Variants in ZNF569 observed in about 807,000 individuals in gnomAD.
ZNF569 encodes DNA-binding protein.
Under a neutral mutation model 56.3 loss-of-function variants are expected in ZNF569, and 38 were observed. The ratio of observed to expected loss-of-function variants is 0.68; its 90% CI spans 0.52 to 0.88. The LOEUF (loss-of-function observed/expected upper bound fraction) is 0.88. Among genes scored for constraint, ZNF569 ranks in the 40% least tolerant of loss-of-function variants. ZNF569 has a pLI of 0.00. For missense variants in ZNF569, 666 were observed against 809.2 expected, an observed-to-expected ratio of 0.82 and a Z score of 2.15; for synonymous variants, 241 against 262.9, an observed-to-expected ratio of 0.92 and a Z score of 0.81.
chr19:37,468,642 A>G (rs187595746), upstream of ZNF569, among the ~76,000 whole-genome samples: 1,014 of 152,186 alleles, frequency 6.7e-3, 14 homozygotes, highest in African/African-American at 0.023. Flanking sequence ...AGTAGCTGGG[A>G]CTTAAGGCGC....
chr19:37,439,071 G>T (rs994263560), intron 3 of ZNF569, among the ~76,000 whole-genome samples: 2 of 151,610 alleles, frequency 1.3e-5, no homozygotes, highest in African/African-American at 2.4e-5. Flanking sequence ...AATTAAAATG[G>T]TTTTTTTTGT....
At position 37,412,793 on chromosome 19, in the gene ZNF569, G is replaced by C; in HGVS notation, c.1865C>G (p.Thr622Ser). The change falls in exon 6 of 6, where the codon ACT becomes AGT. Residue 622 changes from threonine (T) to serine (S), a missense_variant. Thr to Ser is a moderately conservative substitution (Grantham distance 58). Coordinates refer to ENST00000316950, the MANE Select transcript of ZNF569 (RefSeq NM_152484.3). The stretch of plus-strand genomic sequence containing the variant: ...ACCTGTATGTCCTCGTATATGTATA[G>C]TAAGGGATGAGCTTTGGGAGAAGGC... ...GKAFSQSSSL[T>S]IHIRGHTGEK... The C allele has an allele frequency of 6.2e-7, 1 of 1,613,950 alleles. No individual in the cohort carries two copies. The highest frequency in any genetic ancestry group is 2.2e-5 in the East Asian group (1 of 44,848).
At chr19:37,448,946 T>C (rs1339005448) in intron 2 of ZNF569, among the ~76,000 whole-genome samples, 1 of 152,216 alleles carries the variant, frequency 6.6e-6, no homozygotes, top group African/African-American at 2.4e-5. Context: ...ATGATTTTTC[T>C]AATTATTTAT....
chr19:37,418,597 T>C (rs1568717559), intron 5 of ZNF569, among the ~76,000 whole-genome samples: 1 of 151,918 alleles, frequency 6.6e-6, no homozygotes, highest in Admixed American at 6.6e-5. Flanking sequence ...GTTCCTACTA[T>C]ATAACTAAAG....
chr19:37,424,190 C>T (rs992345251), intron 5 of ZNF569, among the ~76,000 whole-genome samples: 3 of 151,850 alleles, frequency 2.0e-5, no homozygotes, highest in Non-Finnish European at 2.9e-5. Context: ...TATGACTGTA[C>T]GACATTTCAG....
intron 2 of ZNF569, among the ~76,000 whole-genome samples, chr19:37,460,894 C>T (rs1026561833): frequency 2.0e-5 from 3 of 151,996 alleles, no homozygotes; most frequent in South Asian, 2.1e-4. Context: ...AAAGGTTGCA[C>T]CCAAGCAAAC....
intron 4 of ZNF569, 57 bp from the exon 5 acceptor site, chr19:37,426,020 C>A: frequency 6.4e-7 from 1 of 1,571,794 alleles, no homozygotes; most frequent in Non-Finnish European, 8.7e-7. Flanking sequence ...AAGAACCACC[C>A]AAAAATTGAG....
At chr19:37,456,284 G>A (rs922380129) in intron 2 of ZNF569, among the ~76,000 whole-genome samples, 2 of 151,940 alleles carry the variant, frequency 1.3e-5, no homozygotes, top group African/African-American at 2.4e-5. Context: ...TATATATCAC[G>A]GACATACGGT....
At chr19:37,469,186 G>C, upstream of ZNF569, 2 of 1,242,454 alleles carry the variant, frequency 1.6e-6, no homozygotes, top group Non-Finnish European at 2.0e-6. Flanking sequence ...AGTGTGGGAG[G>C]ACCTGGTGGG....
rs1568708478 is a variant in ZNF569 at position 37,411,514 on chromosome 19, G to GAT, written c.*1081_*1082dup. ...ACAAACCATGATTCAGGAACACAGT[G>GAT]ATATATATCTCTTTGTGTACATTTG... On this transcript the variant is annotated 3_prime_UTR_variant, in exon 6 of 6. Coordinates refer to ENST00000316950, the MANE Select transcript of ZNF569 (RefSeq NM_152484.3). The GAT allele has an allele frequency of 6.6e-6, 1 of 152,078 alleles. No individual in the cohort carries two copies. The highest frequency in any genetic ancestry group is 1.5e-5 in the Non-Finnish European group (1 of 67,984). 9.4% of individuals were successfully genotyped at this position (152,078 alleles called of 1,614,324 possible).
intron 3 of ZNF569, among the ~76,000 whole-genome samples, chr19:37,436,569 G>A (rs776035746): frequency 6.6e-6 from 1 of 151,548 alleles, no homozygotes; most frequent in Non-Finnish European, 1.5e-5. Flanking sequence ...AATGAAATCA[G>A]CAAACTTTTA....
At chr19:37,426,496 G>T in intron 3 of ZNF569, 118 bp from the exon 4 acceptor site, 1 of 1,097,034 alleles carries the variant, frequency 9.1e-7, no homozygotes, top group Non-Finnish European at 1.2e-6. Context: ...CATCATATTA[G>T]CAGCATCCTG....
intron 2 of ZNF569, among the ~76,000 whole-genome samples, chr19:37,456,771 G>T (rs1170420940): frequency 6.6e-6 from 1 of 151,836 alleles, no homozygotes; most frequent in Non-Finnish European, 1.5e-5. Context: ...GTTCGAGATT[G>T]GCCTCGCCAA....
chr19:37,460,923 A>C (rs2041748123), intron 2 of ZNF569, among the ~76,000 whole-genome samples: 1 of 152,204 alleles, frequency 6.6e-6, no homozygotes. Flanking sequence ...AAAAAATTTG[A>C]GCTTCAAAAA....
chr19:37,413,669 T>G lies in ZNF569; in HGVS notation c.989A>C (p.Glu330Ala). 1.9e-6 allele frequency: 3 copies of G among 1,614,062 alleles called. No homozygotes were observed. The highest frequency in any genetic ancestry group is 2.5e-6 in the Non-Finnish European group (3 of 1,179,970). ...AATTCGAGGGAAGGCTTTACCACAT[T>G]CATTACATGCATAAGGTTTCTCCCC... ...HTGEKPYACN[E>A]CGKAFPRIAS... The change falls in exon 6 of 6, where the codon GAA becomes GCA. Residue 330 changes from glutamate to alanine, a missense_variant. Glu to Ala is a moderately radical substitution (Grantham distance 107). Transcript: ENST00000316950.
intron 5 of ZNF569, among the ~76,000 whole-genome samples, chr19:37,420,373 T>G (rs764871782): frequency 7.2e-5 from 11 of 152,294 alleles, no homozygotes; most frequent in Non-Finnish European, 1.3e-4. Context: ...TGTTGTTTGA[T>G]AGTACTTTAC....
At chr19:37,461,992 G>C (rs1463353477) in intron 2 of ZNF569, among the ~76,000 whole-genome samples, 1 of 152,110 alleles carries the variant, frequency 6.6e-6, no homozygotes. Flanking sequence ...GATGGTGCCT[G>C]AAAATCATAA....
At chr19:37,427,809 C>T (rs887774017) in intron 3 of ZNF569, 1 of 517,200 alleles carries the variant, frequency 1.9e-6, no homozygotes. Flanking sequence ...GAGGAAGATC[C>T]AAATAAGCCT....
intron 2 of ZNF569, among the ~76,000 whole-genome samples, chr19:37,456,618 C>T (rs2041674155): frequency 1.3e-5 from 2 of 152,090 alleles, no homozygotes; most frequent in African/African-American, 4.8e-5. Context: ...CTCTAGTTCA[C>T]TCTAAACATA....
Sources: gnomAD v4.1 joint callset for allele counts (sites outside exome capture counted in the v4.1 genomes callset) on GRCh38, gnomAD v4.1.1 for gene constraint, MANE v1.5 for transcripts, NCBI Gene and HGNC (gene_info 2026-07-23, HGNC 2026-07-21) for gene names.